WLS: variants seen among roughly 807,000 people sequenced by gnomAD.
The protein encoded by WLS is Wnt ligand secretion mediator, also known as protein wntless homolog.
A neutral mutation model predicts 62.8 loss-of-function variants in WLS; 23 were observed. That is an observed-to-expected ratio of 0.37 (90% CI 0.26 to 0.52). The LOEUF (loss-of-function observed/expected upper bound fraction) is 0.52. WLS is among the 20% of genes least tolerant of loss of function. The pLI is 0.92. For synonymous variants in WLS, 246 were observed against 244.1 expected (o/e 1.01, Z -0.07); for missense variants, 615 against 697.3 (o/e 0.88, Z 1.33).
chr1:68,232,524 GGCCGCTCC>G, upstream of WLS: 1 of 846,316 alleles, frequency 1.2e-6, no homozygotes, highest in East Asian at 3.1e-5. Context: ...CTGTGATTGT[GGCCGCTCC>G]GCCGCCTGTG....
intron 2 of WLS, chr1:68,162,103 GA>G: frequency 6.4e-7 from 1 of 1,562,508 alleles, no homozygotes; most frequent in Non-Finnish European, 8.8e-7. Flanking sequence ...CATCTCCAGT[GA>G]CGCCTGCTTG....
At chr1:68,102,984 C>T (rs1280670090) in intron 11 of WLS, among the ~76,000 whole-genome samples, 5 of 152,032 alleles carry the variant, frequency 3.3e-5, no homozygotes, top group African/African-American at 1.2e-4. Context: ...GTGCTCTGAA[C>T]CCTTTTTTTT....
Position 68,192,399 on chromosome 1 carries a change from T to C in WLS, c.379+1556A>G, listed in dbSNP as rs1237019232. 2.6e-5 allele frequency among the ~76,000 whole-genome samples: 4 copies of C among 151,906 alleles called. No individual in the cohort carries two copies. The East Asian group carries it at 7.8e-4, about 30-fold the overall frequency. On this transcript the variant is annotated intron_variant, in intron 2 of 11. Transcript: ENST00000262348. ...GGGGAGGCTAAAGTGGGAAGATTGC[T>C]TGAGCTCAGGAGAGACCCCCATAAA...
At chr1:68,143,331 T>C (rs574311671) in intron 10 of WLS, among the ~76,000 whole-genome samples, 7 of 152,158 alleles carry the variant, frequency 4.6e-5, no homozygotes, top group Non-Finnish European at 7.4e-5. Flanking sequence ...TGCGTTCTGA[T>C]CTCTAACTTA....
chr1:68,173,452 C>G (rs1346865), intron 2 of WLS, among the ~76,000 whole-genome samples: 51,001 of 151,944 alleles, frequency 0.34, 8,643 homozygotes, highest in Middle Eastern at 0.42. Flanking sequence ...TTAGAGAAGA[C>G]AGCTTCATTC....
At chr1:68,204,778 A>C (rs979522414) in intron 1 of WLS, among the ~76,000 whole-genome samples, 1 of 152,078 alleles carries the variant, frequency 6.6e-6, no homozygotes, top group Non-Finnish European at 1.5e-5. Flanking sequence ...ATTTTCCTTC[A>C]GTTGACAAAA....
intron 11 of WLS, among the ~76,000 whole-genome samples, chr1:68,099,960 T>C (rs1462224217): frequency 1.3e-5 from 2 of 152,210 alleles, no homozygotes; most frequent in South Asian, 4.1e-4. Context: ...TTAGATAAAT[T>C]GGTGCACATA....
At chr1:68,108,137 C>G (rs975148579) in intron 11 of WLS, among the ~76,000 whole-genome samples, 2 of 152,152 alleles carry the variant, frequency 1.3e-5, no homozygotes, top group Non-Finnish European at 2.9e-5. Context: ...ACTGTTCTGA[C>G]AATAGCTCTG....
At chr1:68,174,528 T>A (rs764264782) in intron 2 of WLS, among the ~76,000 whole-genome samples, 1 of 152,116 alleles carries the variant, frequency 6.6e-6, no homozygotes, top group Non-Finnish European at 1.5e-5. Flanking sequence ...TATGTGTGTG[T>A]GAGAGAATGG....
intron 11 of WLS, among the ~76,000 whole-genome samples, chr1:68,113,226 T>C (rs1646250890): frequency 6.6e-6 from 1 of 152,194 alleles, no homozygotes; most frequent in South Asian, 2.1e-4. Flanking sequence ...GGAGGCCTTA[T>C]AGATAGGTTG....
intron 2 of WLS, chr1:68,163,084 G>A (rs1375720206): frequency 2.6e-6 from 4 of 1,563,212 alleles, no homozygotes; most frequent in South Asian, 1.1e-5. Context: ...TTATCCACAA[G>A]GGCCATACTT....
chr1:68,167,652 A>G (rs1647080049), intron 2 of WLS, among the ~76,000 whole-genome samples: 1 of 152,214 alleles, frequency 6.6e-6, no homozygotes, highest in East Asian at 1.9e-4. Context: ...TAGGGCATTT[A>G]TAGATTTGAA....
rs1013592973 is a variant in WLS, at chr1:68,162,769, T to G, written c.380-3522A>C. ...GGCAGCCTTGATGTCCACGTTATCG[T>G]AGCCACTGCCTATCTGCACGATCAC... On this transcript the variant is annotated intron_variant, in intron 2 of 11. Transcript: ENST00000262348. 5.5e-6 allele frequency: 6 copies of G among 1,092,552 alleles called. No homozygotes were observed. The African/African-American group carries it at 9.2e-5, about 17-fold the overall frequency. 67.7% of individuals were successfully genotyped at this position (1,092,552 alleles called of 1,614,324 possible). A position where few individuals can be genotyped will look rare whatever the true frequency, so the allele number is the denominator to read the frequency against.
rs1646939783 is a variant in WLS, at chr1:68,159,207, G to A, written c.420C>T (p.Tyr140=). 2.5e-6 allele frequency: 4 copies of A among 1,614,072 alleles called. No individual in the cohort carries two copies. In the Middle Eastern group the frequency reaches 6.6e-4, roughly 266 times the overall value. Residue 140 remains tyrosine (Y), a synonymous_variant, in exon 3 of 12, where the codon TAC becomes TAT. Coordinates refer to ENST00000262348, the MANE Select transcript of WLS (RefSeq NM_024911.7). ...TCCACTCAGCAAACGCGTCATCACG[G>A]TAAGCCAGGGAAACGTCCATGGAGA... ...AEVSMDVSLA[Y]RDDAFAEWTE...
rs934684154 is a variant in WLS at position 68,126,763 on chromosome 1, G to T, written c.1517-428C>A. ...GGAGGTAGGCAAGGTAATTGTCCTG[G>T]GTGGAGGAGCAGGCCCACAAGAGAG... On this transcript the variant is annotated intron_variant, in intron 11 of 11. Coordinates refer to ENST00000262348, the MANE Select transcript of WLS (RefSeq NM_024911.7). 7.2e-5 allele frequency among the ~76,000 whole-genome samples: 11 copies of T among 152,148 alleles called. 1 individual carries two copies. The East Asian group carries it at 2.1e-3, about 29-fold the overall frequency.
chr1:68,195,350 C>A (rs1648605395), intron 1 of WLS, among the ~76,000 whole-genome samples: 1 of 152,152 alleles, frequency 6.6e-6, no homozygotes, highest in Non-Finnish European at 1.5e-5. Context: ...TCGGTTTTAT[C>A]ATCTCTTAGA....
Position 68,125,384 on chromosome 1 carries a change from C to T in WLS, c.*842G>A. ...ATGAGTTTTAGCAGGAGGGGATATGCATGTACACATATGCATATACATACA... is the reference window on the plus strand; with the variant it reads ...ATGAGTTTTAGCAGGAGGGGATATGTATGTACACATATGCATATACATACA... On this transcript the variant is annotated 3_prime_UTR_variant, in exon 12 of 12. Coordinates refer to ENST00000262348, the MANE Select transcript of WLS (RefSeq NM_024911.7). 1.0e-6 allele frequency: 1 copy of T among 985,388 alleles called. No individual in the cohort carries two copies. Among genetic ancestry groups the T allele is most frequent in the Non-Finnish European group, 1.2e-6 (1 of 829,916 alleles). 61.0% of individuals were successfully genotyped at this position (985,388 alleles called of 1,614,324 possible). A position where few individuals can be genotyped will look rare whatever the true frequency, so the allele number is the denominator to read the frequency against.
At chr1:68,204,696 T>C (rs1649204390) in intron 1 of WLS, among the ~76,000 whole-genome samples, 2 of 152,250 alleles carry the variant, frequency 1.3e-5, no homozygotes, top group African/African-American at 4.8e-5. Context: ...TTTTAGGTTC[T>C]AGCTCAAGGG....
rs138155975 is a variant in WLS at position 68,139,721 on chromosome 1, A to G, written c.1363-1788T>C. 2.3e-4 allele frequency among the ~76,000 whole-genome samples: 35 copies of G among 152,354 alleles called. No individual in the cohort carries two copies. In the East Asian group the frequency reaches 6.8e-3, roughly 29 times the overall value. On this transcript the variant is annotated intron_variant, in intron 10 of 11. Coordinates refer to ENST00000262348, the MANE Select transcript of WLS (RefSeq NM_024911.7). Reference sequence around the variant, plus strand: ...GACCCATCTAAGGAAACACCAACCTATGTGCCTTGCACACAGTGGTGCTCG... The same window carrying G: ...GACCCATCTAAGGAAACACCAACCTGTGTGCCTTGCACACAGTGGTGCTCG...
Sources: gnomAD v4.1 joint callset for allele counts (sites outside exome capture counted in the v4.1 genomes callset) on GRCh38, gnomAD v4.1.1 for gene constraint, MANE v1.5 for transcripts, NCBI Gene and HGNC (gene_info 2026-07-23, HGNC 2026-07-21) for gene names.